The following VPS13C variants were observed in gnomAD, a reference collection of about 807,000 sequenced individuals.
The protein encoded by VPS13C is intermembrane lipid transfer protein VPS13C.
A neutral mutation model predicts 456.8 loss-of-function variants in VPS13C; 358 were observed. That is an observed-to-expected ratio of 0.78 (90% CI 0.72 to 0.86). The LOEUF is 0.86. VPS13C is among the 40% of genes least tolerant of loss of function. The probability of loss-of-function intolerance (pLI) is 0.00; values close to 1 mark genes in which losing one functional copy is unlikely to be tolerated. For synonymous variants in VPS13C, 1,578 were observed against 1,486.7 expected (o/e 1.06, Z -1.41); for missense variants, 4,818 against 4,385.4 (o/e 1.10, Z -2.79).
intron 18 of VPS13C, among the ~76,000 whole-genome samples, chr15:61,985,477 G>C (rs1056372632): frequency 1.3e-5 from 2 of 152,044 alleles, no homozygotes; most frequent in African/African-American, 2.4e-5. Flanking sequence ...GACTGGTCTC[G>C]AACTCCTGAC....
intron 47 of VPS13C, among the ~76,000 whole-genome samples, chr15:61,937,744 G>T (rs1473641055): frequency 1.3e-5 from 2 of 152,012 alleles, no homozygotes; most frequent in African/African-American, 4.8e-5. Flanking sequence ...AAAGTGCTGG[G>T]ATTACAGGCG....
At chr15:61,935,393 T>C (rs953411888) in intron 48 of VPS13C, 2 of 152,226 alleles carry the variant, frequency 1.3e-5, no homozygotes, top group African/African-American at 2.4e-5. Flanking sequence ...ACGTAAGCCT[T>C]CTCCAAGTTA....
intron 78 of VPS13C, 125 bp from the exon 79 acceptor site, chr15:61,872,159 C>T (rs1426886052): frequency 4.3e-6 from 3 of 701,382 alleles, no homozygotes; most frequent in Non-Finnish European, 7.1e-6. Flanking sequence ...GAAGACTTAA[C>T]TTGATAATGT....
Position 62,042,455 on chromosome 15 carries a change from T to G in VPS13C, c.145-1089A>C, listed in dbSNP as rs184745728. On this transcript the variant is annotated intron_variant, in intron 2 of 84. Coordinates refer to ENST00000644861, the MANE Select transcript of VPS13C (RefSeq NM_020821.3). ...ATTTACCTAATCATCTGATTACGTC[T>G]GAATGCTACGTAAACAGGAATTGAA... Among the ~76,000 whole-genome samples, 30 of 152,246 alleles carry G rather than the reference T, an allele frequency of 2.0e-4. 1 individual carries two copies. Among genetic ancestry groups the G allele is most frequent in the Admixed American group, 1.8e-3 (28 of 15,292 alleles).
At chr15:61,904,090 C>T (rs1201341491) in intron 66 of VPS13C, among the ~76,000 whole-genome samples, 1 of 151,992 alleles carries the variant, frequency 6.6e-6, no homozygotes, top group Non-Finnish European at 1.5e-5. Flanking sequence ...CTTTGGATAA[C>T]ACCTCAAAAG....
At chr15:62,008,508 A>G in intron 14 of VPS13C, 147 bp downstream of exon 14, 1 of 462,898 alleles carries the variant, frequency 2.2e-6, no homozygotes, top group African/African-American at 2.0e-5. Context: ...ATAAGTAATC[A>G]ATATATTTAC....
intron 6 of VPS13C, among the ~76,000 whole-genome samples, chr15:62,027,974 G>A (rs779521726): frequency 2.0e-5 from 3 of 151,942 alleles, no homozygotes; most frequent in African/African-American, 7.3e-5. Context: ...TGCTTTTTAC[G>A]TTCCAAAACC....
At chr15:61,916,393 C>T (rs2043473455) in intron 60 of VPS13C, among the ~76,000 whole-genome samples, 1 of 152,050 alleles carries the variant, frequency 6.6e-6, no homozygotes, top group Admixed American at 6.6e-5. Flanking sequence ...TAATTATAGA[C>T]CATGACTAAT....
Position 61,873,414 on chromosome 15 carries a change from C to T in VPS13C, c.10415-5G>A. 1.9e-6 allele frequency: 3 copies of T among 1,613,060 alleles called. No homozygotes were observed. Among genetic ancestry groups the T allele is most frequent in the Non-Finnish European group, 2.5e-6 (3 of 1,179,430 alleles). On this transcript the variant is annotated splice_polypyrimidine_tract_variant and splice_region_variant and intron_variant, in intron 77 of 84. Transcript: ENST00000644861. ...ATACAACTCCTGCTGCACCACCTAT[C>T]AAAGACAAGGGATTAATTTCTAGAA...
Position 61,915,890 on chromosome 15 carries a change from G to A in VPS13C, c.8188C>T (p.Arg2730Cys), listed in dbSNP as rs35236516. Residue 2730 changes from arginine to cysteine, a missense_variant, in exon 61 of 85, where the codon CGT (arginine) becomes TGT (cysteine). Physicochemically the swap from Arg to Cys is radical, Grantham distance 180 (BLOSUM62 -3). Coordinates refer to ENST00000644861, the MANE Select transcript of VPS13C (RefSeq NM_020821.3). ...GGAAAGAATTCTGGTAGTGTATCAC[G>A]TATGCGGAAATGTCCATTCCAGTTT... ...GKNWNGHFRIRDTLPEFFPVC... is the reference protein window; with the variant it reads ...GKNWNGHFRICDTLPEFFPVC... The A allele has an allele frequency of 2.1e-3, 3,324 of 1,613,894 alleles. 70 individuals are homozygous for A. In the African/African-American group the frequency reaches 0.039, roughly 19 times the overall value.
At position 61,913,460 on chromosome 15, in the gene VPS13C, T is replaced by C. The variant is rs1487723876; in HGVS notation, c.8446-45A>G. On this transcript the variant is annotated intron_variant, in intron 61 of 84. Transcript: ENST00000644861. ...TCGTCATATAAGAAATCTAAAACAC[T>C]ATAATAATTTTATTTGAGAGAAAGT... The C allele has an allele frequency of 4.0e-6, 6 of 1,503,010 alleles. No homozygotes were observed. In the South Asian group the frequency reaches 4.7e-5, roughly 12 times the overall value. The allele number at this position is 1,503,010 out of a possible 1,614,324, so 93.1% of individuals were successfully genotyped here. A position where few individuals can be genotyped will look rare whatever the true frequency, so the allele number is the denominator to read the frequency against.
Position 61,919,456 on chromosome 15 carries a change from C to A in VPS13C, c.7478-7G>T. The A allele has an allele frequency of 1.3e-6, 2 of 1,529,252 alleles. No homozygotes were observed. Among genetic ancestry groups the A allele is most frequent in the South Asian group, 1.3e-5 (1 of 76,068 alleles). 94.7% of individuals were successfully genotyped at this position (1,529,252 alleles called of 1,614,324 possible). A position where few individuals can be genotyped will look rare whatever the true frequency, so the allele number is the denominator to read the frequency against. On this transcript the variant is annotated splice_polypyrimidine_tract_variant and splice_region_variant and intron_variant, in intron 57 of 84. Transcript: ENST00000644861. ...TCTGTATATCCATGAGGTACTAAGG[C>A]AGTGCATAAGTGAAAAGAATTCCAA...
chr15:61,864,973 T>C, intron 81 of VPS13C: 1 of 983,852 alleles, frequency 1.0e-6, no homozygotes, highest in Non-Finnish European at 1.2e-6. Context: ...GTTATTAGGC[T>C]ATTGTGCTTC....
At chr15:62,011,281 C>T (rs1288377267) in intron 12 of VPS13C, among the ~76,000 whole-genome samples, 1 of 152,008 alleles carries the variant, frequency 6.6e-6, no homozygotes, top group East Asian at 1.9e-4. Context: ...TTTTCAACTG[C>T]TTTAAAAGCT....
Position 61,969,422 on chromosome 15 carries a change from C to T in VPS13C, c.2788G>A (p.Glu930Lys). The T allele has an allele frequency of 6.4e-7, 1 of 1,564,058 alleles. No individual in the cohort carries two copies. The highest frequency in any genetic ancestry group is 8.7e-7 in the Non-Finnish European group (1 of 1,153,804). The change falls in exon 28 of 85, where the codon GAA becomes AAA. Residue 930 changes from glutamate (E) to lysine (K), a missense_variant. Transcript: ENST00000644861. Reference protein sequence around the residue: ...VILEFTKQQKEEDTILVFNVT... With the variant: ...VILEFTKQQKKEDTILVFNVT... ...TTAAATACTAGAATTGTATCTTCTT[C>T]TTTCTGCTGTTTAGTAAATTCCAAA...
At chr15:62,051,427 G>T (rs1215807233) in intron 1 of VPS13C, among the ~76,000 whole-genome samples, 1 of 152,204 alleles carries the variant, frequency 6.6e-6, no homozygotes, top group Non-Finnish European at 1.5e-5. Flanking sequence ...GGCTTAGAGA[G>T]GTTAAATGAC....
intron 81 of VPS13C, chr15:61,866,402 A>C: frequency 2.0e-6 from 2 of 983,674 alleles, no homozygotes; most frequent in Non-Finnish European, 2.4e-6. Context: ...TATCACAAGG[A>C]AAAAATTAAT....
chr15:61,865,801 T>C (rs1894538177), intron 81 of VPS13C: 1 of 799,498 alleles, frequency 1.3e-6, no homozygotes, highest in Middle Eastern at 6.3e-4. Context: ...TATGTGTGTG[T>C]GTATATATAT....
Position 61,909,088 on chromosome 15 carries a change from T to C in VPS13C, c.8882A>G (p.His2961Arg). 1.2e-6 allele frequency: 2 copies of C among 1,613,990 alleles called. No individual in the cohort carries two copies. Among genetic ancestry groups the C allele is most frequent in the South Asian group, 1.1e-5 (1 of 91,078 alleles). ...GILVDVNTAEHSTVITFSDYH... is the reference protein window; with the variant it reads ...GILVDVNTAERSTVITFSDYH... ...ATCAGAAAAAGTTATGACAGTTGAA[T>C]GTTCGGCAGTGTTTACATCCACCAA... Residue 2961 changes from histidine (H) to arginine (R), a missense_variant, in exon 65 of 85, where the codon CAT becomes CGT. His to Arg is a conservative substitution (Grantham distance 29). Transcript: ENST00000644861.
Sources: gnomAD v4.1 joint callset for allele counts (sites outside exome capture counted in the v4.1 genomes callset) on GRCh38, gnomAD v4.1.1 for gene constraint, MANE v1.5 for transcripts, NCBI Gene and HGNC (gene_info 2026-07-23, HGNC 2026-07-21) for gene names.